The following LY75 variants were observed in gnomAD, a reference collection of about 807,000 sequenced individuals.
LY75 encodes the protein C-type lectin domain family 13 member B.
In LY75, 185 loss-of-function variants were observed where a neutral mutation model predicts 231.7. That is an observed-to-expected ratio of 0.80 (90% CI 0.71 to 0.90). The LOEUF (loss-of-function observed/expected upper bound fraction) is 0.90. LY75 is among the 40% of genes least tolerant of loss of function. The pLI, the probability that LY75 is intolerant of heterozygous loss-of-function variation, is 0.00. For synonymous variants in LY75, 668 were observed against 689.0 expected, an observed-to-expected ratio of 0.97 and a Z score of 0.48; for missense variants, 1,947 against 2,050.2, an observed-to-expected ratio of 0.95 and a Z score of 0.97.
At chr2:159,889,822 A>G (rs551368077) in intron 4 of LY75, among the ~76,000 whole-genome samples, 2 of 152,242 alleles carry the variant, frequency 1.3e-5, no homozygotes, top group Admixed American at 6.5e-5. Context: ...CTTTCACTCA[A>G]TGTAAGGATG....
At chr2:159,881,020 A>G in intron 8 of LY75, 63 bp downstream of exon 8, 1 of 1,551,332 alleles carries the variant, frequency 6.4e-7, no homozygotes, top group Non-Finnish European at 8.7e-7. Flanking sequence ...CAACCAAAGA[A>G]GTCTTAATAT....
intron 2 of LY75, among the ~76,000 whole-genome samples, chr2:159,897,644 C>A (rs1022911655): frequency 1.3e-5 from 2 of 152,122 alleles, no homozygotes; most frequent in African/African-American, 4.8e-5. Flanking sequence ...CCAAATTTAG[C>A]TTAAATGATC....
chr2:159,875,297 G>T, intron 12 of LY75, 147 bp downstream of exon 12: 1 of 1,141,786 alleles, frequency 8.8e-7, no homozygotes, highest in Non-Finnish European at 1.2e-6. Flanking sequence ...CAGAGGTTCA[G>T]CGATGCCCTG....
At chr2:159,852,424 T>TTTTTTTG in intron 20 of LY75, 84 bp from the exon 21 acceptor site, 1 of 870,990 alleles carries the variant, frequency 1.1e-6, no homozygotes, top group South Asian at 2.4e-5. Context: ...TTTTTTTTGT[T>TTTTTTTG]TTTTTTTTTT....
chr2:159,890,951 A>ATG (rs1685735495), intron 3 of LY75, among the ~76,000 whole-genome samples: 1 of 152,200 alleles, frequency 6.6e-6, no homozygotes, highest in African/African-American at 2.4e-5. Context: ...GTGTGTATAT[A>ATG]TGTGCATAGA....
At position 159,898,768 on chromosome 2, in the gene LY75, T is replaced by G. The variant is rs749399322; in HGVS notation, c.386A>C (p.His129Pro). Residue 129 changes from histidine to proline, a missense_variant, in exon 2 of 35, where the codon CAT (histidine) becomes CCT (proline). By Grantham distance (77) the His-to-Pro change is moderately conservative (BLOSUM62 -2). Coordinates refer to ENST00000263636, the MANE Select transcript of LY75 (RefSeq NM_002349.4). ...ARYRLALKDG[H>P]GTAISNASDV... ...AGATGCATTTGAGATTGCTGTGCCATGTCCATCCTTCAGAGCCAGCCGGTA... is the reference window on the plus strand; with the variant it reads ...AGATGCATTTGAGATTGCTGTGCCAGGTCCATCCTTCAGAGCCAGCCGGTA... The G allele has an allele frequency of 1.9e-6, 3 of 1,614,134 alleles. No homozygotes were observed. The highest frequency in any genetic ancestry group is 2.5e-6 in the Non-Finnish European group (3 of 1,180,042).
In LY75 at chr2:159,881,382, C is replaced by T. The variant is rs148007594; in HGVS notation, c.1247-142G>A. ...TAATTCGGTTATTAATATGTTGATACGACAGGCAGGTTGGGTAATGAAGGC... is the reference window on the plus strand; with the variant it reads ...TAATTCGGTTATTAATATGTTGATATGACAGGCAGGTTGGGTAATGAAGGC... On this transcript the variant is annotated intron_variant, in intron 7 of 34. Transcript: ENST00000263636. 8.2e-5 allele frequency: 84 copies of T among 1,022,034 alleles called. No homozygotes were observed. In the African/African-American group the frequency reaches 9.5e-4, roughly 12 times the overall value. The allele number at this position is 1,022,034 out of a possible 1,614,324, so 63.3% of individuals were successfully genotyped here.
Position 159,872,572 on chromosome 2 carries a change from C to T in LY75, c.1996G>A (p.Val666Ile). Residue 666 changes from valine to isoleucine, a missense_variant, in exon 13 of 35, where the codon GTA becomes ATA. By Grantham distance (29) the Val-to-Ile change is conservative. Coordinates refer to ENST00000263636, the MANE Select transcript of LY75 (RefSeq NM_002349.4). ...GCTTCTTCCCAGTTCCTCTTTCTTA[C>T]AATTCTTTCTGCATGGAATACCTTA... ...CYKVFHAERIVRKRNWEEAER... is the reference protein window; with the variant it reads ...CYKVFHAERIIRKRNWEEAER... The T allele has an allele frequency of 1.2e-6, 2 of 1,613,724 alleles. No homozygotes were observed. Among genetic ancestry groups the T allele is most frequent in the Non-Finnish European group, 8.5e-7 (1 of 1,179,810 alleles).
chr2:159,902,968 G>A (rs1009360476), intron 1 of LY75: 2 of 152,236 alleles, frequency 1.3e-5, no homozygotes, highest in East Asian at 1.9e-4. Flanking sequence ...CACATGTGAC[G>A]AGGTGCATGC....
chr2:159,805,598 T>G (rs1276349221), intron 34 of LY75, among the ~76,000 whole-genome samples: 1 of 152,238 alleles, frequency 6.6e-6, no homozygotes, highest in Non-Finnish European at 1.5e-5. Context: ...TAAATTTTTG[T>G]TTTTGACTTA....
intron 2 of LY75, 52 bp from the exon 3 acceptor site, chr2:159,894,136 C>T (rs781310659): frequency 2.5e-5 from 38 of 1,528,632 alleles, no homozygotes; most frequent in Middle Eastern, 1.8e-4. Flanking sequence ...GGGTAGTCAG[C>T]GTCAGGTGGC....
intron 15 of LY75, among the ~76,000 whole-genome samples, chr2:159,858,749 T>G (rs1455056703): frequency 6.6e-6 from 1 of 152,212 alleles, no homozygotes; most frequent in African/African-American, 2.4e-5. Flanking sequence ...TGTTAGAATA[T>G]TTATTTCAGA....
chr2:159,898,166 T>C (rs541546362), intron 2 of LY75, among the ~76,000 whole-genome samples: 101 of 152,306 alleles, frequency 6.6e-4, no homozygotes, highest in Non-Finnish European at 1.1e-3. Flanking sequence ...CAGTGGCTAT[T>C]CACAGGCGTG....
chr2:159,885,019 C>T, intron 6 of LY75, 134 bp downstream of exon 6: 1 of 1,213,672 alleles, frequency 8.2e-7, no homozygotes, highest in South Asian at 1.8e-5. Context: ...GGTTAAAAAT[C>T]AAGTACTTTT....
At chr2:159,842,916 T>C (rs1292597406) in intron 23 of LY75, among the ~76,000 whole-genome samples, 1 of 151,158 alleles carries the variant, frequency 6.6e-6, no homozygotes, top group East Asian at 1.9e-4. Context: ...ATATCACACT[T>C]AGAAAAATAA....
At chr2:159,843,013 G>C (rs1012793685) in intron 23 of LY75, among the ~76,000 whole-genome samples, 4 of 151,598 alleles carry the variant, frequency 2.6e-5, no homozygotes, top group Non-Finnish European at 4.4e-5. Context: ...AATAATTATA[G>C]GAAAGAATAA....
intron 17 of LY75, 120 bp downstream of exon 17, chr2:159,854,784 G>T: frequency 7.0e-7 from 1 of 1,433,360 alleles, no homozygotes; most frequent in Non-Finnish European, 9.5e-7. Flanking sequence ...TTCCTTGCCT[G>T]GAGAAATTTT....
At chr2:159,872,371 G>A (rs1458879868) in intron 13 of LY75, 80 bp downstream of exon 13, 29 of 1,526,654 alleles carry the variant, frequency 1.9e-5, no homozygotes, top group African/African-American at 5.6e-5. Context: ...CCAACAGAGA[G>A]TGAGGGTAAG....
chr2:159,865,008 A>T, intron 13 of LY75, 88 bp from the exon 14 acceptor site: 1 of 1,200,428 alleles, frequency 8.3e-7, no homozygotes, highest in Non-Finnish European at 1.1e-6. Context: ...CACTAATTGA[A>T]AAGCACAGTT....
Sources: allele counts gnomAD v4.1 joint callset (sites outside exome capture counted in the v4.1 genomes callset), GRCh38; gene constraint gnomAD v4.1.1; transcripts MANE v1.5; gene names NCBI Gene and HGNC (gene_info 2026-07-23, HGNC 2026-07-21).